PRKN: variants seen among roughly 807,000 people sequenced by gnomAD.
The protein encoded by PRKN is E3 ubiquitin-protein ligase parkin.
PRKN carries 56 observed loss-of-function variants against 59.5 expected under a neutral mutation model. The observed-to-expected ratio is 0.94, with a 90% confidence interval of 0.76 to 1.18. The LOEUF is 1.18. Ranked by LOEUF, PRKN falls within the 50% of genes most tolerant of loss-of-function variation. PRKN has a pLI of 0.00. For synonymous variants in PRKN, 250 were observed against 222.1 expected (o/e 1.13, Z -1.12); for missense variants, 657 against 596.4 (o/e 1.10, Z -1.06).
intron 1 of PRKN, among the ~76,000 whole-genome samples, chr6:162,604,534 A>G (rs376108653): frequency 6.6e-6 from 1 of 152,142 alleles, no homozygotes; most frequent in African/African-American, 2.4e-5. Context: ...ATTGATTCAT[A>G]AATTTTAGAG....
intron 1 of PRKN, among the ~76,000 whole-genome samples, chr6:162,692,481 TCA>T (rs1440020960): frequency 1.3e-5 from 2 of 152,078 alleles, no homozygotes; most frequent in East Asian, 3.9e-4. Context: ...GGGCCCTAGG[TCA>T]CACTGTATCA....
At chr6:162,706,745 C>T (rs112872597) in intron 1 of PRKN, among the ~76,000 whole-genome samples, 42 of 152,142 alleles carry the variant, frequency 2.8e-4, no homozygotes, top group African/African-American at 9.4e-4. Flanking sequence ...ACTCAATAAC[C>T]ATCAGGCATT....
At chr6:161,796,900 A>G (rs769395589) in intron 6 of PRKN, among the ~76,000 whole-genome samples, 3 of 152,254 alleles carry the variant, frequency 2.0e-5, no homozygotes, top group Non-Finnish European at 2.9e-5. Context: ...CAAAACAGCT[A>G]GAAGCAGATA....
At chr6:162,625,801 T>C (rs1374590977) in intron 1 of PRKN, among the ~76,000 whole-genome samples, 2 of 152,146 alleles carry the variant, frequency 1.3e-5, no homozygotes, top group African/African-American at 4.8e-5. Flanking sequence ...TTAATACACA[T>C]CTCATAGTTC....
chr6:162,267,377 A>G (rs1054769417), intron 2 of PRKN: 1 of 152,046 alleles, frequency 6.6e-6, no homozygotes, highest in African/African-American at 2.4e-5. Flanking sequence ...GTCCAGTTGT[A>G]CAGCCACGCA....
chr6:161,959,090 A>G (rs1780286538), intron 6 of PRKN, among the ~76,000 whole-genome samples: 1 of 152,182 alleles, frequency 6.6e-6, no homozygotes, highest in Admixed American at 6.5e-5. Flanking sequence ...TACACACTGT[A>G]CACTTTCTCT....
chr6:161,514,862 G>A (rs1023357849), intron 9 of PRKN, among the ~76,000 whole-genome samples: 15 of 152,154 alleles, frequency 9.9e-5, no homozygotes, highest in Non-Finnish European at 1.6e-4. Context: ...AAGCTCCTTA[G>A]TGCTGCCGTC....
chr6:161,595,852 GA>G (rs1184540208), intron 7 of PRKN, among the ~76,000 whole-genome samples: 1 of 152,082 alleles, frequency 6.6e-6, no homozygotes, highest in African/African-American at 2.4e-5. Flanking sequence ...GCGGGAAAGT[GA>G]AAAAAGAAAG....
In PRKN at chr6:161,498,977, T is replaced by G. The variant is rs1777854969; in HGVS notation, c.1083+49877A>C. Among the ~76,000 whole-genome samples, 1 of 152,168 alleles carries G rather than the reference T, an allele frequency of 6.6e-6. No individual in the cohort carries two copies. Among genetic ancestry groups the G allele is most frequent in the Admixed American group, 6.5e-5 (1 of 15,284 alleles). ...AGGATTGAGATTCTTCTTTATCTTCTACTGAAGCCCCCGATGCTTTGCAAC... is the reference window on the plus strand; with the variant it reads ...AGGATTGAGATTCTTCTTTATCTTCGACTGAAGCCCCCGATGCTTTGCAAC... On this transcript the variant is annotated intron_variant, in intron 9 of 11. Transcript: ENST00000366898. The surrounding 1 kb of genome is among the most constrained non-coding windows in gnomAD (Gnocchi z 4.2).
intron 6 of PRKN, among the ~76,000 whole-genome samples, chr6:161,847,778 G>A (rs1302672679): frequency 2.6e-5 from 4 of 152,310 alleles, no homozygotes; most frequent in African/African-American, 9.6e-5. Flanking sequence ...GCCAGGTAAT[G>A]TCATAAACCC....
At chr6:161,686,075 C>CAA (rs34114820) in intron 7 of PRKN, among the ~76,000 whole-genome samples, 49 of 128,694 alleles carry the variant, frequency 3.8e-4, no homozygotes, top group Admixed American at 2.0e-3. Flanking sequence ...TAGAAAACAG[C>CAA]AAAAAAAAAA....
chr6:162,643,203 G>C (rs1443441185), intron 1 of PRKN, among the ~76,000 whole-genome samples: 2 of 151,888 alleles, frequency 1.3e-5, no homozygotes, highest in African/African-American at 4.8e-5. Context: ...TTTGAGACTA[G>C]CCTGGGCAAC....
At chr6:162,619,081 T>TAA (rs1393146987) in intron 1 of PRKN, among the ~76,000 whole-genome samples, 1 of 152,118 alleles carries the variant, frequency 6.6e-6, no homozygotes, top group Non-Finnish European at 1.5e-5. Context: ...GAAACTCTTT[T>TAA]AGACTCTTGA....
At chr6:161,404,901 C>T (rs759036299) in intron 9 of PRKN, among the ~76,000 whole-genome samples, 5 of 152,184 alleles carry the variant, frequency 3.3e-5, no homozygotes, top group South Asian at 2.1e-4. Context: ...AATGCGAAGC[C>T]GTAAATACTG....
At chr6:161,842,401 G>C (rs187766767) in intron 6 of PRKN, among the ~76,000 whole-genome samples, 3 of 151,488 alleles carry the variant, frequency 2.0e-5, no homozygotes, top group Non-Finnish European at 2.9e-5. Context: ...GAATCTGGGA[G>C]GCAAAGGTTG....
intron 8 of PRKN, among the ~76,000 whole-genome samples, chr6:161,563,478 G>T (rs1780528959): frequency 1.3e-5 from 2 of 152,164 alleles, no homozygotes; most frequent in South Asian, 4.1e-4. Context: ...TGGAACTGCA[G>T]AGTGACTTTA....
chr6:161,756,440 T>C (rs1788923666), intron 7 of PRKN, among the ~76,000 whole-genome samples: 3 of 75,330 alleles, frequency 4.0e-5, no homozygotes, highest in South Asian at 1.2e-3. Flanking sequence ...AAACCTTGTC[T>C]CGAAAAAAAA....
chr6:162,719,119 T>C (rs1324199152), intron 1 of PRKN, among the ~76,000 whole-genome samples: 3 of 152,214 alleles, frequency 2.0e-5, no homozygotes, highest in Non-Finnish European at 4.4e-5. Flanking sequence ...ACTCTCTGTA[T>C]CATATGATTA....
Position 162,216,719 on chromosome 6 carries a change from C to T in PRKN, c.413-15467G>A, listed in dbSNP as rs1255213722. 3.9e-5 allele frequency among the ~76,000 whole-genome samples: 6 copies of T among 152,048 alleles called. 3 individuals are homozygous for T. In the South Asian group the frequency reaches 1.2e-3, roughly 32 times the overall value. ...ATGTTAAAGCCACACGGCCACACAGCCAGGACACTTTGATGAACAGCCACT... is the reference window on the plus strand; with the variant it reads ...ATGTTAAAGCCACACGGCCACACAGTCAGGACACTTTGATGAACAGCCACT... On this transcript the variant is annotated intron_variant, in intron 3 of 11. Coordinates refer to ENST00000366898, the MANE Select transcript of PRKN (RefSeq NM_004562.3).
Sources: allele counts gnomAD v4.1 joint callset (sites outside exome capture counted in the v4.1 genomes callset), GRCh38; gene constraint gnomAD v4.1.1; non-coding constraint Gnocchi (gnomAD v3.1); transcripts MANE v1.5; gene names NCBI Gene and HGNC (gene_info 2026-07-23, HGNC 2026-07-21).